The following MICAL2 variants were observed in gnomAD, a reference collection of about 807,000 sequenced individuals.
MICAL2 encodes the protein [F-actin]-monooxygenase MICAL2.
A neutral mutation model predicts 127.3 loss-of-function variants in MICAL2; 77 were observed. The ratio of observed to expected loss-of-function variants is 0.60; its 90% confidence interval spans 0.50 to 0.73. MICAL2 has a LOEUF of 0.73. Among genes scored for constraint, MICAL2 ranks in the 30% least tolerant of loss-of-function variants. MICAL2 has a pLI of 0.00. For missense variants in MICAL2, 1,351 were observed against 1,434.4 expected (o/e 0.94, Z 0.94); for synonymous variants, 570 against 551.1 (o/e 1.03, Z -0.48).
At chr11:12,150,930 G>T (rs1172540106) in intron 2 of MICAL2, among the ~76,000 whole-genome samples, 1 of 152,086 alleles carries the variant, frequency 6.6e-6, no homozygotes, top group African/African-American at 2.4e-5. Context: ...TTATCCCCAC[G>T]CAGCTTCCCG....
At position 12,162,127 on chromosome 11, in the gene MICAL2, G is replaced by A. The variant is rs372710923; in HGVS notation, c.-29G>A. ...CATGCTGTTCACCTGTGTCCTCGCC[G>A]CACCACTGCCGCACACGACTCCTGA... On this transcript the variant is annotated 5_prime_UTR_variant, in exon 3 of 28. Coordinates refer to ENST00000683283, the MANE Select transcript of MICAL2 (RefSeq NM_001282663.2). 1.7e-5 allele frequency: 27 copies of A among 1,613,194 alleles called. No homozygotes were observed. The highest frequency in any genetic ancestry group is 1.3e-4 in the East Asian group (6 of 44,868).
chr11:12,295,387 A>G (rs1420915204), downstream of MICAL2, among the ~76,000 whole-genome samples: 2 of 149,876 alleles, frequency 1.3e-5, no homozygotes, highest in Non-Finnish European at 3.0e-5. Context: ...TGATCCACCC[A>G]TCTCAACCTC....
chr11:12,220,589 AGC>A, intron 9 of MICAL2, 131 bp downstream of exon 9: 12 of 1,318,688 alleles, frequency 9.1e-6, no homozygotes, highest in Non-Finnish European at 1.1e-5. Flanking sequence ...GACTCTGCCA[AGC>A]CTGTCCCGGC....
rs562433826 is a variant in MICAL2 at position 12,261,735 on chromosome 11, A to G, written c.3335-745A>G. Reference sequence around the variant, plus strand: ...AAACACTTCCCTGAAATCCTTGGGAAAAACAGAGGCATGGCCGTGGCCAAC... The same window carrying G: ...AAACACTTCCCTGAAATCCTTGGGAGAAACAGAGGCATGGCCGTGGCCAAC... On this transcript the variant is annotated intron_variant, in intron 26 of 27. Coordinates refer to ENST00000683283, the MANE Select transcript of MICAL2 (RefSeq NM_001282663.2). 1.0e-5 allele frequency: 10 copies of G among 985,452 alleles called. No homozygotes were observed. In the South Asian group the frequency reaches 3.3e-4, roughly 32 times the overall value. The allele number at this position is 985,452 out of a possible 1,614,324, so 61.0% of individuals were successfully genotyped here. A position where few individuals can be genotyped will look rare whatever the true frequency, so the allele number is the denominator to read the frequency against.
downstream of MICAL2, chr11:12,294,661 C>T (rs765011170): frequency 2.5e-6 from 4 of 1,614,206 alleles, no homozygotes; most frequent in Admixed American, 3.3e-5. Context: ...TTGAGAGTTT[C>T]CTCCAAGAAT....
rs1445075679 is a variant in MICAL2 at position 12,259,830 on chromosome 11, G to T, written c.3267G>T (p.Arg1089=). 3.8e-6 allele frequency: 6 copies of T among 1,584,036 alleles called. No individual in the cohort carries two copies. Among genetic ancestry groups the T allele is most frequent in the Non-Finnish European group, 5.2e-6 (6 of 1,162,066 alleles). ...EATWQEQEAP[R]RDTPTESSCA... is the part of the protein sequence containing the mutation. ...CATGGCAAGAGCAGGAAGCCCCTCG[G>T]AGAGACACTCCCACCGAAAGTTCTT... Residue 1089 remains arginine (R), a synonymous_variant, in exon 26 of 28, where the codon CGG becomes CGT. Coordinates refer to ENST00000683283, the MANE Select transcript of MICAL2 (RefSeq NM_001282663.2).
At chr11:12,143,649 C>T (rs1048330640) in intron 2 of MICAL2, among the ~76,000 whole-genome samples, 3 of 152,184 alleles carry the variant, frequency 2.0e-5, no homozygotes, top group African/African-American at 7.2e-5. Flanking sequence ...GTCTCAGATT[C>T]CTCTTGCCAG....
intron 31 of MICAL2, among the ~76,000 whole-genome samples, chr11:12,325,359 C>T (rs1487287019): frequency 6.6e-6 from 1 of 152,170 alleles, no homozygotes; most frequent in African/African-American, 2.4e-5. Flanking sequence ...ATCCTCCCAC[C>T]ACATTTTCCC....
At chr11:12,308,454 T>A (rs186764880) in intron 29 of MICAL2, among the ~76,000 whole-genome samples, 1 of 152,330 alleles carries the variant, frequency 6.6e-6, no homozygotes, top group Non-Finnish European at 1.5e-5. Context: ...AATGGTTTTT[T>A]TAGTTTTCAG....
At chr11:12,300,269 G>A (rs1864032416) in intron 29 of MICAL2, among the ~76,000 whole-genome samples, 1 of 152,094 alleles carries the variant, frequency 6.6e-6, no homozygotes, top group African/African-American at 2.4e-5. Flanking sequence ...CCTCCAGCCT[G>A]GGCGACAAGA....
intron 2 of MICAL2, among the ~76,000 whole-genome samples, chr11:12,138,856 C>T (rs1852076100): frequency 2.0e-5 from 3 of 152,236 alleles, no homozygotes; most frequent in South Asian, 4.2e-4. Context: ...TTATGGTCCA[C>T]AAAGCTTCAT....
In MICAL2 at chr11:12,244,048, C is replaced by A; in HGVS notation, c.2720C>A (p.Pro907Gln). 1 of 1,614,044 alleles carries A rather than the reference C, an allele frequency of 6.2e-7. No homozygotes were observed. Among genetic ancestry groups the A allele is most frequent in the Non-Finnish European group, 8.5e-7 (1 of 1,179,906 alleles). ...CCTCCATCTCCTCCCTCTCGCCTTC[C>A]GTCTCCTGATCCAGCTGCTTCTTCC... ...THPPSPPSRL[P>Q]SPDPAASSSP... is the part of the protein sequence containing the mutation. Residue 907 changes from proline (P) to glutamine (Q), a missense_variant, in exon 21 of 28, where the codon CCG becomes CAG. Transcript: ENST00000683283.
At chr11:12,113,591 GC>G (rs1564970448) in intron 1 of MICAL2, among the ~76,000 whole-genome samples, 3 of 152,234 alleles carry the variant, frequency 2.0e-5, no homozygotes, top group African/African-American at 4.8e-5. Context: ...GTTACAGTCA[GC>G]CATGGTCTGA....
chr11:12,312,893 G>T (rs956955817), intron 29 of MICAL2, among the ~76,000 whole-genome samples: 1 of 152,062 alleles, frequency 6.6e-6, no homozygotes, highest in South Asian at 2.1e-4. Flanking sequence ...TCGGCCGGGC[G>T]CTGTGGCTCA....
chr11:12,132,448 G>T (rs557009327), intron 1 of MICAL2, among the ~76,000 whole-genome samples: 4 of 152,150 alleles, frequency 2.6e-5, no homozygotes, highest in Admixed American at 2.6e-4. Context: ...AAAATGAGCC[G>T]GTTCCTTTTT....
intron 3 of MICAL2, 140 bp from the exon 4 acceptor site, chr11:12,204,110 G>C: frequency 1.3e-6 from 1 of 742,586 alleles, no homozygotes; most frequent in Non-Finnish European, 2.2e-6. Context: ...TGAATGACAG[G>C]CCCTAACAGG....
intron 9 of MICAL2, 26 bp from the exon 10 acceptor site, chr11:12,221,618 G>A: frequency 6.5e-7 from 1 of 1,537,734 alleles, no homozygotes; most frequent in Non-Finnish European, 9.0e-7. Flanking sequence ...AGAATCAACT[G>A]GAATTTTGCA....
chr11:12,246,834 A>G (rs1001221491), intron 21 of MICAL2, among the ~76,000 whole-genome samples: 6 of 152,202 alleles, frequency 3.9e-5, no homozygotes, highest in African/African-American at 1.4e-4. Flanking sequence ...ATATGTATTG[A>G]TGAATAAGAG....
intron 3 of MICAL2, among the ~76,000 whole-genome samples, chr11:12,178,434 C>T (rs2133928537): frequency 6.8e-6 from 1 of 147,138 alleles, no homozygotes; most frequent in East Asian, 2.0e-4. Context: ...AAATTATAGG[C>T]AAAGACATGA....
Sources: allele counts gnomAD v4.1 joint callset (sites outside exome capture counted in the v4.1 genomes callset), GRCh38; gene constraint gnomAD v4.1.1; transcripts MANE v1.5; gene names NCBI Gene and HGNC (gene_info 2026-07-23, HGNC 2026-07-21).